Variants in ALMS1 observed in about 807,000 individuals in gnomAD.
ALMS1 encodes ALMS1 centrosome and basal body associated protein.
A neutral mutation model predicts 352.2 loss-of-function variants in ALMS1; 271 were observed. The observed-to-expected ratio is 0.77, with a 90% CI of 0.70 to 0.85. The LOEUF is 0.85. Ranked by LOEUF, ALMS1 falls within the 40% of genes least tolerant of loss-of-function variation. ALMS1 has a pLI of 0.00. For missense variants in ALMS1, 5,445 were observed against 4,870.7 expected (o/e 1.12, Z -3.51); for synonymous variants, 1,865 against 1,761.2 (o/e 1.06, Z -1.48).
At chr2:73,489,604 A>G (rs1370880783) in intron 9 of ALMS1, 30 bp from the exon 10 acceptor site, 2 of 1,613,646 alleles carry the variant, frequency 1.2e-6, no homozygotes, top group East Asian at 2.2e-5. Flanking sequence ...GACTACTTCA[A>G]ATAAGAACCT....
chr2:73,563,302 A>G (rs1674705042), intron 15 of ALMS1, among the ~76,000 whole-genome samples: 1 of 152,188 alleles, frequency 6.6e-6, no homozygotes, highest in Admixed American at 6.5e-5. Flanking sequence ...ATATTTTTAT[A>G]CTGATTTGCA....
In ALMS1 at chr2:73,490,238, C is replaced by T. The variant is rs754707930; in HGVS notation, c.8279C>T (p.Pro2760Leu). 9.3e-6 allele frequency: 15 copies of T among 1,613,956 alleles called. No individual in the cohort carries two copies. The South Asian group carries it at 1.3e-4, about 14-fold the overall frequency. Residue 2760 changes from proline to leucine, a missense_variant, in exon 10 of 23, where the codon CCT becomes CTT. Coordinates refer to ENST00000613296, the MANE Select transcript of ALMS1 (RefSeq NM_001378454.1). ...FNSHFTEEQN[P>L]PRDLKQKTSS... Reference sequence around the variant, plus strand: ...TCTCATTTCACTGAAGAACAAAATCCTCCCAGAGATCTTAAACAGAAAACC... The same window carrying T: ...TCTCATTTCACTGAAGAACAAAATCTTCCCAGAGATCTTAAACAGAAAACC...
intron 7 of ALMS1, among the ~76,000 whole-genome samples, chr2:73,441,982 G>A (rs918647984): frequency 2.2e-4 from 33 of 152,252 alleles, no homozygotes; most frequent in Middle Eastern, 3.4e-3. Flanking sequence ...GGGATCTCAA[G>A]CCACAGAAGA....
In ALMS1 at chr2:73,490,477, G is replaced by A; in HGVS notation, c.8518G>A (p.Asp2840Asn). ...CSNFKEIQISDNHTLISMGRP... is the reference protein window; with the variant it reads ...CSNFKEIQISNNHTLISMGRP... ...CAATTTCAAGGAAATTCAGATTTCT[G>A]ATAACCATACCCTTATTAGCATGGG... The change falls in exon 10 of 23, where the codon GAT becomes AAT. Residue 2840 changes from aspartate (D) to asparagine (N), a missense_variant. Asp to Asn is a conservative substitution (Grantham distance 23). Transcript: ENST00000613296. 6.2e-7 allele frequency: 1 copy of A among 1,614,160 alleles called. No individual in the cohort carries two copies. The highest frequency in any genetic ancestry group is 8.5e-7 in the Non-Finnish European group (1 of 1,180,032).
rs373374154 is a variant in ALMS1, at chr2:73,490,887, A to G, written c.8928A>G (p.Val2976=). 3.5e-5 allele frequency: 57 copies of G among 1,614,074 alleles called. No homozygotes were observed. Among genetic ancestry groups the G allele is most frequent in the Non-Finnish European group, 4.6e-5 (54 of 1,180,052 alleles). The part of the protein sequence containing the change: ...LEQCQSKAPG[V]DDQMNKHHFP... ...AATGCCAAAGCAAAGCGCCAGGTGT[A>G]GATGACCAAATGAATAAACACCATT... Residue 2976 remains valine (V), a synonymous_variant, in exon 10 of 23, where the codon GTA becomes GTG. Transcript: ENST00000613296.
chr2:73,558,422 A>G (rs1674587975), intron 14 of ALMS1, among the ~76,000 whole-genome samples: 1 of 152,196 alleles, frequency 6.6e-6, no homozygotes, highest in African/African-American at 2.4e-5. Context: ...GATCATGTTA[A>G]TCTCCTAATC....
At chr2:73,395,028 GTATATATATGTGTGTGTATA>G (rs1670727150) in intron 1 of ALMS1, among the ~76,000 whole-genome samples, 1 of 130,442 alleles carries the variant, frequency 7.7e-6, no homozygotes, top group Non-Finnish European at 1.6e-5. Flanking sequence ...ATATATATGT[GTATATATATGTGTGTGTATA>G]TATATATATG....
At chr2:73,522,058 G>A (rs981467023) in intron 11 of ALMS1, among the ~76,000 whole-genome samples, 1 of 152,004 alleles carries the variant, frequency 6.6e-6, no homozygotes, top group African/African-American at 2.4e-5. Context: ...TCCTTTCCCG[G>A]AAGCAGCCAT....
chr2:73,596,618 C>T (rs1281556484), intron 16 of ALMS1, among the ~76,000 whole-genome samples: 5 of 152,046 alleles, frequency 3.3e-5, no homozygotes, highest in Admixed American at 6.6e-5. Context: ...ACTACAGGTG[C>T]GTGCCACCAC....
intron 10 of ALMS1, among the ~76,000 whole-genome samples, chr2:73,498,469 C>A (rs1673154030): frequency 6.6e-6 from 1 of 151,886 alleles, no homozygotes; most frequent in African/African-American, 2.4e-5. Context: ...ACTATAGTCA[C>A]CCTTTTGTGT....
chr2:73,567,044 C>T (rs1674815866), intron 15 of ALMS1, among the ~76,000 whole-genome samples: 1 of 152,188 alleles, frequency 6.6e-6, no homozygotes, highest in African/African-American at 2.4e-5. Context: ...ATGTGAAGCT[C>T]TTCAAACTCT....
intron 10 of ALMS1, among the ~76,000 whole-genome samples, chr2:73,502,881 A>G (rs1673245446): frequency 6.6e-6 from 1 of 152,162 alleles, no homozygotes; most frequent in Admixed American, 6.6e-5. Context: ...TAGAAAAGGT[A>G]AATATGGCAC....
At chr2:73,484,575 G>T (rs1391778558) in intron 9 of ALMS1, among the ~76,000 whole-genome samples, 1 of 151,392 alleles carries the variant, frequency 6.6e-6, no homozygotes, top group Non-Finnish European at 1.5e-5. Context: ...TTCTCGAGGA[G>T]TATCTTTGTG....
intron 9 of ALMS1, among the ~76,000 whole-genome samples, chr2:73,479,328 T>C (rs1672647616): frequency 1.3e-5 from 2 of 152,186 alleles, no homozygotes. Context: ...TTTACATCAC[T>C]ACAAAGGTGC....
intron 15 of ALMS1, among the ~76,000 whole-genome samples, chr2:73,566,639 G>A (rs1674806651): frequency 6.6e-6 from 1 of 152,218 alleles, no homozygotes; most frequent in Non-Finnish European, 1.5e-5. Context: ...CACACCTAAT[G>A]TGTGGGGTTT....
rs372240184 is a variant in ALMS1, at chr2:73,579,063, C to CTTTTTTTTTTTTTTTTTTTTT, written c.11547+5646_11547+5647insTTTTTTTTTTTTTTTTTTTTT. 1.3e-3 allele frequency among the ~76,000 whole-genome samples: 156 copies of CTTTTTTTTTTTTTTTTTTTTT among 119,070 alleles called. 20 individuals carry two copies. Among genetic ancestry groups the CTTTTTTTTTTTTTTTTTTTTT allele is most frequent in the East Asian group, 2.4e-3 (11 of 4,624 alleles). The allele number at this position is 119,070 out of a possible 152,430, so 78.1% of individuals were successfully genotyped here. A position where few individuals can be genotyped will look rare whatever the true frequency, so the allele number is the denominator to read the frequency against. ...GAATGTCTTTAATTTCTCCTTTATT[C>CTTTTTTTTTTTTTTTTTTTTT]TTTTTTTATTTATTTTTTTTTTTGA... On this transcript the variant is annotated intron_variant, in intron 16 of 22. Coordinates refer to ENST00000613296, the MANE Select transcript of ALMS1 (RefSeq NM_001378454.1).
chr2:73,501,327 T>C (rs975963819), intron 10 of ALMS1, among the ~76,000 whole-genome samples: 12 of 152,084 alleles, frequency 7.9e-5, no homozygotes, highest in African/African-American at 2.7e-4. Context: ...TGAATTCCAC[T>C]TTGGTAATTT....
At chr2:73,607,897 C>T (rs1249453760) in intron 21 of ALMS1, among the ~76,000 whole-genome samples, 4 of 150,828 alleles carry the variant, frequency 2.7e-5, no homozygotes, top group African/African-American at 9.8e-5. Flanking sequence ...CTCCTGACCT[C>T]GTGATCCACC....
intron 16 of ALMS1, among the ~76,000 whole-genome samples, chr2:73,592,024 A>G (rs1229409787): frequency 3.9e-5 from 6 of 152,198 alleles, no homozygotes; most frequent in African/African-American, 1.4e-4. Context: ...CTTAGTTGTA[A>G]TGATCATTGA....
Sources: allele counts gnomAD v4.1 joint callset (sites outside exome capture counted in the v4.1 genomes callset), GRCh38; gene constraint gnomAD v4.1.1; transcripts MANE v1.5; gene names NCBI Gene and HGNC (gene_info 2026-07-23, HGNC 2026-07-21).